The following ZFHX3 variants were observed in gnomAD, a reference collection of about 807,000 sequenced individuals.
The protein encoded by ZFHX3 is zinc finger homeobox 3.
Under a neutral mutation model 279.1 loss-of-function variants are expected in ZFHX3, and 42 were observed. The ratio of observed to expected loss-of-function variants is 0.15; its 90% CI spans 0.12 to 0.19. ZFHX3 has a LOEUF of 0.19. ZFHX3 is among the 10% of genes least tolerant of loss of function. ZFHX3 has a pLI of 1.00. For missense variants in ZFHX3, 4,981 were observed against 4,754.0 expected (o/e 1.05, Z -1.40); for synonymous variants, 2,293 against 1,957.8 (o/e 1.17, Z -4.52).
chr16:73,419,912 T>A (rs921689502), intron 3 of ZFHX3, among the ~76,000 whole-genome samples: 5 of 152,042 alleles, frequency 3.3e-5, no homozygotes, highest in Non-Finnish European at 5.9e-5. Flanking sequence ...TAGATAATTT[T>A]TTTTTTTTTC....
chr16:73,035,684 G>A (rs768472859), intron 1 of ZFHX3, among the ~76,000 whole-genome samples: 2 of 152,168 alleles, frequency 1.3e-5, no homozygotes, highest in South Asian at 2.1e-4. Flanking sequence ...TCAGGAGTTC[G>A]AGACTAGCCT....
chr16:73,350,846 C>T (rs889638680), intron 3 of ZFHX3, among the ~76,000 whole-genome samples: 7 of 152,168 alleles, frequency 4.6e-5, no homozygotes, highest in African/African-American at 1.7e-4. Flanking sequence ...TGTAGGGAAG[C>T]AGCATGTGCG....
intron 3 of ZFHX3, among the ~76,000 whole-genome samples, chr16:72,912,447 T>C (rs941820658): frequency 6.6e-6 from 1 of 152,192 alleles, no homozygotes. Context: ...ATAAGTCTTA[T>C]GGAAGAGCCA....
At chr16:72,806,948 C>G (rs143497153) in intron 7 of ZFHX3, 1 of 152,130 alleles carries the variant, frequency 6.6e-6, no homozygotes, top group Non-Finnish European at 1.5e-5. Context: ...GAGAATTTCC[C>G]CATATCAGTG....
intron 1 of ZFHX3, among the ~76,000 whole-genome samples, chr16:73,012,837 T>G (rs1029316628): frequency 1.3e-5 from 2 of 152,218 alleles, no homozygotes; most frequent in East Asian, 3.9e-4. Flanking sequence ...TTAACAACTC[T>G]AATTTAATCC....
intron 1 of ZFHX3, among the ~76,000 whole-genome samples, chr16:73,706,781 T>C (rs2053309195): frequency 6.6e-6 from 1 of 152,196 alleles, no homozygotes; most frequent in Non-Finnish European, 1.5e-5. Context: ...TTTTTCAGTG[T>C]ATCATCTTCC....
intron 5 of ZFHX3, among the ~76,000 whole-genome samples, chr16:73,249,557 C>G (rs1054776741): frequency 6.6e-6 from 1 of 152,062 alleles, no homozygotes; most frequent in African/African-American, 2.4e-5. Context: ...TGGGGGAAAC[C>G]GCCCCCAAGA....
intron 2 of ZFHX3, among the ~76,000 whole-genome samples, chr16:73,659,577 T>C (rs1235162103): frequency 1.3e-5 from 2 of 152,100 alleles, no homozygotes; most frequent in Non-Finnish European, 2.9e-5. Flanking sequence ...GGCTCTGTTG[T>C]CAGCTGTATG....
intron 3 of ZFHX3, among the ~76,000 whole-genome samples, chr16:73,422,255 C>A (rs760142771): frequency 1.3e-4 from 19 of 151,704 alleles, no homozygotes; most frequent in Non-Finnish European, 2.6e-4. Flanking sequence ...CTCTGCTCAA[C>A]CCTTGAATGG....
chr16:72,940,254 C>A (rs1263615264), intron 3 of ZFHX3, among the ~76,000 whole-genome samples: 1 of 152,098 alleles, frequency 6.6e-6, no homozygotes, highest in Admixed American at 6.5e-5. Flanking sequence ...TGAGTCTGTA[C>A]AAAATCCTAC....
chr16:73,249,468 G>C (rs961021918), intron 5 of ZFHX3, among the ~76,000 whole-genome samples: 8 of 152,170 alleles, frequency 5.3e-5, no homozygotes, highest in African/African-American at 1.9e-4. Context: ...ATGGCAGCAG[G>C]CAAGAGAGAA....
chr16:73,455,511 G>A (rs2018356384), intron 3 of ZFHX3, among the ~76,000 whole-genome samples: 1 of 152,144 alleles, frequency 6.6e-6, no homozygotes, highest in Non-Finnish European at 1.5e-5. Flanking sequence ...GCTGAAGAGA[G>A]ACCCAGGATG....
intron 2 of ZFHX3, among the ~76,000 whole-genome samples, chr16:73,578,179 C>A (rs944720894): frequency 6.6e-6 from 1 of 152,104 alleles, no homozygotes; most frequent in Non-Finnish European, 1.5e-5. Context: ...CTTGATGAAA[C>A]ATTTGGACTG....
At chr16:73,410,008 G>A (rs2017435337) in intron 3 of ZFHX3, among the ~76,000 whole-genome samples, 2 of 152,038 alleles carry the variant, frequency 1.3e-5, no homozygotes, top group African/African-American at 4.8e-5. Context: ...GTGCAGGTGG[G>A]AAGTGGGGAT....
chr16:73,054,062 G>C (rs1050253260), intron 1 of ZFHX3, among the ~76,000 whole-genome samples: 50 of 151,918 alleles, frequency 3.3e-4, no homozygotes, highest in Non-Finnish European at 5.1e-4. Flanking sequence ...TGGGGGGCTG[G>C]GGGGAGGAGT....
At chr16:73,294,666 C>T (rs2014861359) in intron 4 of ZFHX3, among the ~76,000 whole-genome samples, 1 of 151,552 alleles carries the variant, frequency 6.6e-6, no homozygotes, top group African/African-American at 2.4e-5. Context: ...CAAAAATTTG[C>T]CGGGTGTGGT....
intron 7 of ZFHX3, among the ~76,000 whole-genome samples, chr16:73,098,010 G>T (rs1966186656): frequency 6.6e-6 from 1 of 151,364 alleles, no homozygotes; most frequent in East Asian, 1.9e-4. Context: ...AGTCTCTTTG[G>T]CTATTGGAAT....
chr16:73,274,162 T>C (rs191831207), intron 4 of ZFHX3, among the ~76,000 whole-genome samples: 3 of 152,262 alleles, frequency 2.0e-5, no homozygotes, highest in African/African-American at 4.8e-5. Context: ...AAAAGTGTAA[T>C]AGTTATTACC....
Position 72,958,265 on chromosome 16 carries a change from G to A in ZFHX3, c.1881C>T (p.Cys627=), listed in dbSNP as rs1250692060. The A allele has an allele frequency of 5.6e-6, 9 of 1,613,780 alleles. No homozygotes were observed. The highest frequency in any genetic ancestry group is 3.3e-5 in the South Asian group (3 of 91,082). The change falls in exon 2 of 10, where the codon TGC becomes TGT. Residue 627 remains cysteine, a synonymous_variant. Transcript: ENST00000268489. ...AGGGGCACTCCCCAACCCCAAGCTC[G>A]CAGAGGGAGCCAGCGTGCTGGTGAT... ...VPHHQHAGSL[C]ELGVGECPSG...
Sources: gnomAD v4.1 joint callset for allele counts (sites outside exome capture counted in the v4.1 genomes callset) on GRCh38, gnomAD v4.1.1 for gene constraint, MANE v1.5 for transcripts, NCBI Gene and HGNC (gene_info 2026-07-23, HGNC 2026-07-21) for gene names.